LAMB4: variants seen among roughly 807,000 people sequenced by gnomAD.
LAMB4 encodes the protein laminin subunit beta 4, also known as laminin subunit beta-4.
Under a neutral mutation model 199.2 loss-of-function variants are expected in LAMB4, and 196 were observed. The observed-to-expected ratio is 0.98, with a 90% CI of 0.88 to 1.11. LAMB4 has a LOEUF of 1.11. Ranked by LOEUF, LAMB4 falls within the 50% of genes least tolerant of loss-of-function variation. The pLI, the probability that LAMB4 is intolerant of heterozygous loss-of-function variation, is 0.00. For missense variants in LAMB4, 2,080 were observed against 2,171.2 expected (o/e 0.96, Z 0.83); for synonymous variants, 744 against 770.6 (o/e 0.97, Z 0.57).
In LAMB4 at chr7:108,066,354, A is replaced by G. The variant is rs769733312; in HGVS notation, c.2678+15T>C. 1.6e-5 allele frequency: 26 copies of G among 1,588,466 alleles called. No homozygotes were observed. Among genetic ancestry groups the G allele is most frequent in the Non-Finnish European group, 2.2e-5 (26 of 1,157,340 alleles). ...GTTAAAGACCTAAAAATTAAAGTGC[A>G]TATGAATTCCATACCTTTCACAGTT... On this transcript the variant is annotated intron_variant, in intron 20 of 33. Coordinates refer to ENST00000388781, the MANE Select transcript of LAMB4 (RefSeq NM_007356.3).
At chr7:108,025,417 C>CTTTCTTTCTTTCCTTTCTTTCTTCTTTCT (rs772964568) in intron 33 of LAMB4, among the ~76,000 whole-genome samples, 1 of 107,826 alleles carries the variant, frequency 9.3e-6, no homozygotes, top group African/African-American at 6.6e-5. Flanking sequence ...TTCTTTCTTT[C>CTTTCTTTCTTTCCTTTCTTTCTTCTTTCT]TTCTTTCTTT....
chr7:108,053,700 C>G (rs960620503), intron 25 of LAMB4, among the ~76,000 whole-genome samples: 3 of 152,224 alleles, frequency 2.0e-5, no homozygotes, highest in African/African-American at 7.2e-5. Context: ...CTCTTTCTCG[C>G]TCTTTCTCTC....
chr7:108,071,400 C>A (rs1232873743), intron 17 of LAMB4, among the ~76,000 whole-genome samples: 3 of 152,176 alleles, frequency 2.0e-5, no homozygotes, highest in Admixed American at 1.3e-4. Context: ...ACTGGGCCAC[C>A]ATCTGAATGG....
intron 5 of LAMB4, among the ~76,000 whole-genome samples, chr7:108,108,555 C>T (rs570811585): frequency 5.3e-5 from 8 of 152,208 alleles, no homozygotes; most frequent in South Asian, 2.1e-4. Context: ...TCAATCATCC[C>T]GCTAATTCTG....
intron 10 of LAMB4, among the ~76,000 whole-genome samples, chr7:108,102,635 A>T (rs1479005530): frequency 6.6e-6 from 1 of 152,318 alleles, no homozygotes; most frequent in African/African-American, 2.4e-5. Context: ...AGAAGTTGAG[A>T]TTCAAGATAA....
intron 21 of LAMB4, among the ~76,000 whole-genome samples, chr7:108,065,248 G>A (rs73424746): frequency 0.15 from 23,298 of 152,010 alleles, 5,395 homozygotes; most frequent in African/African-American, 0.5. Flanking sequence ...ATTTTCAATT[G>A]AGCAAGAGAT....
intron 31 of LAMB4, 41 bp downstream of exon 31, chr7:108,034,167 C>G (rs2035143604): frequency 3.1e-6 from 5 of 1,605,326 alleles, no homozygotes; most frequent in African/African-American, 1.3e-5. Context: ...TGTTTTTACC[C>G]TCAAAACCTA....
Position 108,095,290 on chromosome 7 carries a change from C to T in LAMB4, c.1408G>A (p.Val470Met). Residue 470 changes from valine to methionine, a missense_variant, in exon 12 of 34, where the codon GTG (valine) becomes ATG (methionine). By Grantham distance (21) the Val-to-Met change is conservative. Coordinates refer to ENST00000388781, the MANE Select transcript of LAMB4 (RefSeq NM_007356.3). ...AGGCACAAGCATTGGCCTGTATCCA[C>T]ATCACAGGTCAAGAATGGCAGACTC... ...LGSLPFLTCD[V>M]DTGQCLCLSY... 6.2e-7 allele frequency: 1 copy of T among 1,614,048 alleles called. No homozygotes were observed. The highest frequency in any genetic ancestry group is 8.5e-7 in the Non-Finnish European group (1 of 1,180,014).
intron 18 of LAMB4, among the ~76,000 whole-genome samples, chr7:108,069,393 T>C (rs1324163645): frequency 6.6e-6 from 1 of 152,218 alleles, no homozygotes. Context: ...CCCAATATGC[T>C]CATTTATTAA....
rs1194356583 is a variant in LAMB4 at position 108,079,676 on chromosome 7, C to A, written c.1812G>T (p.Gly604=). Residue 604 remains glycine (G), a synonymous_variant, in exon 15 of 34, where the codon GGG becomes GGT. Coordinates refer to ENST00000388781, the MANE Select transcript of LAMB4 (RefSeq NM_007356.3). ...TGPGFARVLP[G]AGLRFAVNNI... Reference sequence around the variant, plus strand: ...TGTTGACAGCAAATCTCAAGCCAGCCCCAGGGAGAACCCTGGCAAATCCAG... The same window carrying A: ...TGTTGACAGCAAATCTCAAGCCAGCACCAGGGAGAACCCTGGCAAATCCAG... 1 of 1,612,906 alleles carries A rather than the reference C, an allele frequency of 6.2e-7. No homozygotes were observed. Among genetic ancestry groups the A allele is most frequent in the Non-Finnish European group, 8.5e-7 (1 of 1,179,608 alleles).
intron 23 of LAMB4, among the ~76,000 whole-genome samples, chr7:108,061,847 C>T (rs1360942394): frequency 1.3e-5 from 2 of 151,850 alleles, no homozygotes; most frequent in African/African-American, 4.8e-5. Flanking sequence ...ATAAGAACTA[C>T]CTTCAAAAGA....
chr7:108,119,030 C>T (rs1333389171), intron 2 of LAMB4, among the ~76,000 whole-genome samples: 2 of 152,160 alleles, frequency 1.3e-5, no homozygotes, highest in African/African-American at 4.8e-5. Flanking sequence ...CAAATAAACA[C>T]ATGAAAAGAG....
chr7:108,040,574 T>C (rs2035388582), intron 29 of LAMB4, among the ~76,000 whole-genome samples: 1 of 152,078 alleles, frequency 6.6e-6, no homozygotes, highest in Non-Finnish European at 1.5e-5. Context: ...CATAGATGAA[T>C]GGAACTGAAA....
chr7:108,045,923 G>A (rs1385716651), intron 28 of LAMB4, among the ~76,000 whole-genome samples: 3 of 152,060 alleles, frequency 2.0e-5, no homozygotes, highest in Non-Finnish European at 4.4e-5. Context: ...AGGATATAGG[G>A]GGTGTGTGTG....
At chr7:108,034,087 T>C in intron 31 of LAMB4, 121 bp downstream of exon 31, 2 of 955,922 alleles carry the variant, frequency 2.1e-6, no homozygotes, top group Non-Finnish European at 3.3e-6. Context: ...CAAATCTTAT[T>C]TATCCTCATA....
In LAMB4 at chr7:108,091,722, G is replaced by C; in HGVS notation, c.1605C>G (p.Ser535Arg). The C allele has an allele frequency of 6.2e-7, 1 of 1,614,210 alleles. No homozygotes were observed. The change falls in exon 14 of 34, where the codon AGC (serine) becomes AGG (arginine). Residue 535 changes from serine to arginine, a missense_variant. Transcript: ENST00000388781. ...CECRPHVTGRSCSEPAPGYFF... is the reference protein window; with the variant it reads ...CECRPHVTGRRCSEPAPGYFF... ...AGTAGCCAGGGGCTGGTTCAGAGCA[G>C]CTACGGCCAGTGACATGTGGGCGGC... is the stretch of plus-strand genomic sequence containing the variant.
intron 17 of LAMB4, among the ~76,000 whole-genome samples, chr7:108,071,363 A>C (rs1439656163): frequency 6.6e-6 from 1 of 152,078 alleles, no homozygotes; most frequent in African/African-American, 2.4e-5. Context: ...CTAACTCCAC[A>C]CCTACTTCCT....
intron 14 of LAMB4, among the ~76,000 whole-genome samples, chr7:108,080,475 C>T (rs998040924): frequency 2.4e-4 from 37 of 152,096 alleles, no homozygotes; most frequent in African/African-American, 8.5e-4. Flanking sequence ...GTGCTGCTCT[C>T]TTCTCTCTCT....
intron 14 of LAMB4, among the ~76,000 whole-genome samples, chr7:108,088,362 C>T (rs2037266584): frequency 6.6e-6 from 1 of 152,170 alleles, no homozygotes; most frequent in Non-Finnish European, 1.5e-5. Flanking sequence ...GGGGTTTCGC[C>T]TTGGTTGGCC....
Sources: allele counts gnomAD v4.1 joint callset (sites outside exome capture counted in the v4.1 genomes callset), GRCh38; gene constraint gnomAD v4.1.1; transcripts MANE v1.5; gene names NCBI Gene and HGNC (gene_info 2026-07-23, HGNC 2026-07-21).